Variants in DYNAP observed in about 807,000 individuals in gnomAD.
The protein encoded by DYNAP is dynactin-associated protein.
DYNAP carries 7 observed loss-of-function variants against 8.5 expected under a neutral mutation model. The ratio of observed to expected loss-of-function variants is 0.82; its 90% CI spans 0.47 to 1.54. The LOEUF (loss-of-function observed/expected upper bound fraction) is 1.54, where lower values mean the gene tolerates loss of function less well. DYNAP is among the 40% of genes most tolerant of loss of function. DYNAP has a pLI of 0.01. For missense variants in DYNAP, 256 were observed against 224.3 expected (o/e 1.14, Z -0.90); for synonymous variants, 77 against 77.9 (o/e 0.99, Z 0.06).
upstream of DYNAP, chr18:54,587,888 G>T (rs937858126): frequency 3.2e-5 from 13 of 400,690 alleles, no homozygotes; most frequent in African/African-American, 1.8e-4. Flanking sequence ...ATTCCTAGTC[G>T]CTGTGCTCAA....
chr18:54,591,138 T>G, upstream of DYNAP: 1 of 1,432,426 alleles, frequency 7.0e-7, no homozygotes, highest in Non-Finnish European at 9.3e-7. Context: ...GAATAATTAG[T>G]ATTTAGTTTA....
chr18:54,597,943 C>T lies in DYNAP; in HGVS notation c.353C>T (p.Ser118Phe). Reference protein sequence around the residue: ...CLVNNKGSANSSIVIQLSTND... With the variant: ...CLVNNKGSANFSIVIQLSTND... Reference sequence around the variant, plus strand: ...GTGAATAACAAAGGATCGGCCAATTCCTCCATTGTTATCCAGCTATCCACA... The same window carrying T: ...GTGAATAACAAAGGATCGGCCAATTTCTCCATTGTTATCCAGCTATCCACA... Residue 118 changes from serine (S) to phenylalanine (F), a missense_variant, in exon 3 of 3, where the codon TCC (serine) becomes TTC (phenylalanine). Ser to Phe is a radical substitution (Grantham distance 155). Coordinates refer to ENST00000648945, the MANE Select transcript of DYNAP (RefSeq NM_173629.3). 2 of 1,613,506 alleles carry T rather than the reference C, an allele frequency of 1.2e-6. No homozygotes were observed. Among genetic ancestry groups the T allele is most frequent in the African/African-American group, 2.7e-5 (2 of 74,950 alleles).
chr18:54,592,699 A>G (rs527959654), intron 1 of DYNAP, among the ~76,000 whole-genome samples: 2 of 152,252 alleles, frequency 1.3e-5, no homozygotes, highest in East Asian at 1.9e-4. Context: ...CATTATTTAC[A>G]GCTCTTCAAC....
chr18:54,589,896 G>C (rs1911004441), upstream of DYNAP, among the ~76,000 whole-genome samples: 1 of 151,954 alleles, frequency 6.6e-6, no homozygotes, highest in Non-Finnish European at 1.5e-5. Flanking sequence ...TAATATTATT[G>C]ACACCTTCAA....
upstream of DYNAP, chr18:54,587,753 A>G (rs1024886807): frequency 1.0e-5 from 4 of 399,400 alleles, no homozygotes; most frequent in Non-Finnish European, 1.8e-5. Flanking sequence ...GGGTCTCTCC[A>G]TATAGGAGGA....
At chr18:54,583,293 T>G (rs886346171), upstream of DYNAP, among the ~76,000 whole-genome samples, 2 of 152,114 alleles carry the variant, frequency 1.3e-5, no homozygotes, top group African/African-American at 4.8e-5. Context: ...AAGGGTAGAG[T>G]GCAGCCTGTC....
intron 1 of DYNAP, among the ~76,000 whole-genome samples, chr18:54,592,241 T>C (rs1911107113): frequency 1.3e-5 from 2 of 152,014 alleles, no homozygotes; most frequent in Admixed American, 1.3e-4. Flanking sequence ...GGCAGCACTG[T>C]AATTGGATCT....
chr18:54,580,609 C>T, the DYNAP span, among the ~76,000 whole-genome samples: 1 of 152,192 alleles, frequency 6.6e-6, no homozygotes, highest in Non-Finnish European at 1.5e-5. Context: ...GTGGTGGCCT[C>T]CTATAAGGCA....
At chr18:54,583,986 A>T (rs1910796499), upstream of DYNAP, among the ~76,000 whole-genome samples, 1 of 152,088 alleles carries the variant, frequency 6.6e-6, no homozygotes. Context: ...CAAAAGAAAG[A>T]CTAACAACTC....
upstream of DYNAP, among the ~76,000 whole-genome samples, chr18:54,586,109 A>G (rs912827179): frequency 6.6e-6 from 1 of 152,116 alleles, no homozygotes; most frequent in Non-Finnish European, 1.5e-5. Flanking sequence ...TTTAAACCTG[A>G]CATTTTCTGA....
chr18:54,582,749 T>C, the DYNAP span, among the ~76,000 whole-genome samples: 1 of 152,240 alleles, frequency 6.6e-6, no homozygotes, highest in Non-Finnish European at 1.5e-5. Flanking sequence ...CTCCAAGCAC[T>C]GCTTGTCTCT....
chr18:54,589,627 T>C (rs1910995239), upstream of DYNAP, among the ~76,000 whole-genome samples: 1 of 152,158 alleles, frequency 6.6e-6, no homozygotes, highest in Non-Finnish European at 1.5e-5. Flanking sequence ...TTAGAGATGG[T>C]GAGGGTGAGA....
the DYNAP span, among the ~76,000 whole-genome samples, chr18:54,575,659 G>A: frequency 1.3e-5 from 2 of 151,738 alleles, no homozygotes; most frequent in Non-Finnish European, 2.9e-5. Flanking sequence ...GGCTGATCTC[G>A]AACTCCTGGC....
rs1911440372 is a variant in DYNAP, at chr18:54,599,339, T to G, written c.*1194T>G. The G allele has an allele frequency of 6.6e-6, 1 of 152,124 alleles. No homozygotes were observed. The highest frequency in any genetic ancestry group is 2.4e-5 in the African/African-American group (1 of 41,440). The allele number at this position is 152,124 out of a possible 1,614,324, so 9.4% of individuals were successfully genotyped here. A position where few individuals can be genotyped will look rare whatever the true frequency, so the allele number is the denominator to read the frequency against. On this transcript the variant is annotated 3_prime_UTR_variant, in exon 3 of 3. Transcript: ENST00000648945. ...ACTAGCATCAGTCATCAAAATAACC[T>G]GTTCTATATTAAGTTAACTTTTAGT...
chr18:54,597,777 G>A (rs1342794948), intron 2 of DYNAP, 36 bp from the exon 3 acceptor site: 4 of 1,552,418 alleles, frequency 2.6e-6, no homozygotes, highest in Non-Finnish European at 3.5e-6. Flanking sequence ...AAGCATTTTT[G>A]TTTTTCATTG....
At chr18:54,584,495 T>A (rs1303978421), upstream of DYNAP, among the ~76,000 whole-genome samples, 2 of 152,002 alleles carry the variant, frequency 1.3e-5, no homozygotes, top group Non-Finnish European at 2.9e-5. Context: ...TGTAATTGAG[T>A]TGTATAAATA....
chr18:54,577,963 C>CAAAAA, the DYNAP span, among the ~76,000 whole-genome samples: 2 of 132,796 alleles, frequency 1.5e-5, no homozygotes, highest in Admixed American at 7.6e-5. Flanking sequence ...GACTCAGCCT[C>CAAAAA]AAAAAAAAAA....
rs1199631775 is a variant in DYNAP at position 54,597,883 on chromosome 18, T to C, written c.293T>C (p.Ile98Thr). Reference protein sequence around the residue: ...VFLACLLACVIMTAIGVLIIC... With the variant: ...VFLACLLACVTMTAIGVLIIC... ...CTGGCTTGTCTCTTAGCCTGTGTGATAATGACAGCAATTGGAGTACTTATA... is the reference window on the plus strand; with the variant it reads ...CTGGCTTGTCTCTTAGCCTGTGTGACAATGACAGCAATTGGAGTACTTATA... Residue 98 changes from isoleucine to threonine, a missense_variant, in exon 3 of 3, where the codon ATA becomes ACA. Physicochemically the swap from Ile to Thr is moderately conservative, Grantham distance 89. Coordinates refer to ENST00000648945, the MANE Select transcript of DYNAP (RefSeq NM_173629.3). The C allele has an allele frequency of 1.2e-6, 2 of 1,613,674 alleles. No homozygotes were observed. Among genetic ancestry groups the C allele is most frequent in the Admixed American group, 1.7e-5 (1 of 59,944 alleles).
In DYNAP at chr18:54,595,064, A is replaced by T; in HGVS notation, c.183A>T (p.Ala61=). 6.2e-7 allele frequency: 1 copy of T among 1,612,564 alleles called. No individual in the cohort carries two copies. Among genetic ancestry groups the T allele is most frequent in the Non-Finnish European group, 8.5e-7 (1 of 1,179,018 alleles). ...TGVCVNPGIL[A]HSRCLQSESC... is the part of the protein sequence containing the mutation. The stretch of plus-strand genomic sequence containing the variant: ...TCTGCGTGAACCCAGGAATCCTTGC[A>T]CATTCAAGATGTCTACAGTCAGAAT... The change falls in exon 2 of 3, where the codon GCA becomes GCT. Residue 61 remains alanine (A), a synonymous_variant. Transcript: ENST00000648945.
Sources: allele counts gnomAD v4.1 joint callset (sites outside exome capture counted in the v4.1 genomes callset), GRCh38; gene constraint gnomAD v4.1.1; transcripts MANE v1.5; gene names NCBI Gene and HGNC (gene_info 2026-07-23, HGNC 2026-07-21).